The following TFB1M variants were observed in gnomAD, a reference collection of about 807,000 sequenced individuals.
TFB1M encodes transcription factor B1, mitochondrial, also known as dimethyladenosine transferase 1, mitochondrial.
In TFB1M, 27 loss-of-function variants were observed where a neutral mutation model predicts 31.1. That is an observed-to-expected ratio of 0.87 (90% CI 0.64 to 1.20). The LOEUF (loss-of-function observed/expected upper bound fraction) is 1.20. Among genes scored for constraint, TFB1M ranks in the 50% most tolerant of loss-of-function variants. The probability of loss-of-function intolerance (pLI) is 0.00; values close to 1 mark genes in which losing one functional copy is unlikely to be tolerated. For missense variants in TFB1M, 394 were observed against 418.7 expected (o/e 0.94, Z 0.51); for synonymous variants, 166 against 151.8 (o/e 1.09, Z -0.69).
At chr6:155,250,616 C>T in the TFB1M span, 55 of 1,535,858 alleles carry the variant, frequency 3.6e-5, no homozygotes, top group African/African-American at 4.8e-4. Context: ...GGAAGAACCA[C>T]GGACACTGGT....
At chr6:155,248,050 A>C in the TFB1M span, 2 of 1,614,210 alleles carry the variant, frequency 1.2e-6, no homozygotes, top group East Asian at 4.5e-5. Context: ...GAACCCCACC[A>C]AGCAGCATTC....
At chr6:155,244,941 G>A in the TFB1M span, 1 of 934,072 alleles carries the variant, frequency 1.1e-6, no homozygotes. Flanking sequence ...TCTGTCAGGT[G>A]GTAAAGGAAG....
chr6:155,251,141 TGGGGACTTAACA>T (rs1783632711), downstream of TFB1M: 1 of 834,338 alleles, frequency 1.2e-6, no homozygotes, highest in Admixed American at 2.0e-5. Flanking sequence ...CTATAATGGT[TGGGGACTTAACA>T]GGGCCAGCCC....
At chr6:155,271,927 G>A (rs560470505) in intron 5 of TFB1M, among the ~76,000 whole-genome samples, 1 of 151,978 alleles carries the variant, frequency 6.6e-6, no homozygotes, top group Non-Finnish European at 1.5e-5. Flanking sequence ...TCCCTTCCCC[G>A]CCTCTCCTTT....
At chr6:155,292,135 C>G (rs969080040) in intron 4 of TFB1M, among the ~76,000 whole-genome samples, 2 of 152,116 alleles carry the variant, frequency 1.3e-5, no homozygotes. Context: ...GCAGCAGAGG[C>G]AGGGGGCAGC....
chr6:155,277,818 A>T (rs1785290927), intron 5 of TFB1M, among the ~76,000 whole-genome samples: 2 of 152,194 alleles, frequency 1.3e-5, no homozygotes, highest in Non-Finnish European at 2.9e-5. Context: ...GCAAAGAATG[A>T]TTTCATGCAA....
intron 2 of TFB1M, among the ~76,000 whole-genome samples, chr6:155,307,720 T>C (rs1777845013): frequency 6.6e-6 from 1 of 152,130 alleles, no homozygotes; most frequent in South Asian, 2.1e-4. Flanking sequence ...TTGCAATCTT[T>C]TGGCTTCCCT....
intron 4 of TFB1M, among the ~76,000 whole-genome samples, 184 bp downstream of exon 4, chr6:155,296,769 C>A (rs1289516678): frequency 6.6e-6 from 1 of 151,484 alleles, no homozygotes; most frequent in Non-Finnish European, 1.5e-5. Flanking sequence ...TTCCCAGAAG[C>A]CCACAGCAGT....
intron 5 of TFB1M, among the ~76,000 whole-genome samples, chr6:155,278,496 CAGTG>C (rs1204046724): frequency 5.3e-5 from 8 of 152,230 alleles, no homozygotes; most frequent in Non-Finnish European, 8.8e-5. Flanking sequence ...TCTGCATTCT[CAGTG>C]ACATGTCATG....
Position 155,285,205 on chromosome 6 carries a change from G to A in TFB1M, c.619C>T (p.Arg207Ter), listed in dbSNP as rs769068618. Residue 207 changes from arginine (R) to a stop codon, truncating the protein, a stop_gained, in exon 5 of 7, where the codon CGA (arginine) becomes TGA (stop). Transcript: ENST00000367166. LOFTEE classifies it high-confidence loss of function. ...SVMAQYLCNV[R>*]HIFTIPGQAF... ...TGTCCTGGAATCGTAAAGATGTGTCGAACATTGCAGAGGTACTGAGCCATA... is the reference window on the plus strand; with the variant it reads ...TGTCCTGGAATCGTAAAGATGTGTCAAACATTGCAGAGGTACTGAGCCATA... 41 of 1,613,808 alleles carry A rather than the reference G, an allele frequency of 2.5e-5. No individual in the cohort carries two copies. Among genetic ancestry groups the A allele is most frequent in the Admixed American group, 1.0e-4 (6 of 59,996 alleles).
intron 5 of TFB1M, among the ~76,000 whole-genome samples, chr6:155,263,223 T>C (rs1430432135): frequency 6.6e-6 from 1 of 152,232 alleles, no homozygotes; most frequent in Non-Finnish European, 1.5e-5. Flanking sequence ...ACAAAAATGT[T>C]TTTTACTTAT....
chr6:155,260,573 A>G, intron 5 of TFB1M, 173 bp from the exon 6 acceptor site: 2 of 786,516 alleles, frequency 2.5e-6, no homozygotes, highest in Admixed American at 4.1e-5. Context: ...TACATTCTGG[A>G]TTCGCAAATG....
At chr6:155,304,871 T>C (rs369716832) in intron 2 of TFB1M, among the ~76,000 whole-genome samples, 14 of 151,606 alleles carry the variant, frequency 9.2e-5, no homozygotes, top group East Asian at 7.8e-4. Flanking sequence ...ACAATAGACC[T>C]ATAGATAAAT....
At chr6:155,244,535 T>C in the TFB1M span, 2 of 1,229,934 alleles carry the variant, frequency 1.6e-6, no homozygotes, top group Non-Finnish European at 2.3e-6. Flanking sequence ...TCTTAAAGGA[T>C]TTACTTTCTG....
At chr6:155,254,378 A>G, downstream of TFB1M, 1 of 1,601,254 alleles carries the variant, frequency 6.2e-7, no homozygotes, top group Middle Eastern at 1.7e-4. Flanking sequence ...CACGATGAAC[A>G]CTGTGGACAC....
In TFB1M at chr6:155,256,147, C is replaced by T; in HGVS notation, c.*1689G>A. 2.2e-6 allele frequency: 1 copy of T among 464,488 alleles called. No individual in the cohort carries two copies. The highest frequency in any genetic ancestry group is 3.8e-6 in the Non-Finnish European group (1 of 264,978). 28.8% of individuals were successfully genotyped at this position (464,488 alleles called of 1,614,324 possible). On this transcript the variant is annotated 3_prime_UTR_variant, in exon 7 of 7. Transcript: ENST00000367166. ...AAAGCACCTTAGTGAAAGAAAGGAG[C>T]CTAGATTTATTATTACCAATTAACT...
At chr6:155,243,673 C>G in the TFB1M span, among the ~76,000 whole-genome samples, 1 of 151,562 alleles carries the variant, frequency 6.6e-6, no homozygotes, top group African/African-American at 2.4e-5. Context: ...ATGGTGAAAC[C>G]CTGCCCCTAC....
intron 2 of TFB1M, among the ~76,000 whole-genome samples, chr6:155,306,493 T>C (rs927878656): frequency 2.6e-5 from 4 of 152,062 alleles, no homozygotes; most frequent in Admixed American, 6.5e-5. Context: ...AACAGGTGAA[T>C]AGATTCACAA....
At chr6:155,285,384 C>T (rs1776581904) in intron 4 of TFB1M, 107 bp from the exon 5 acceptor site, 3 of 1,392,070 alleles carry the variant, frequency 2.2e-6, no homozygotes, top group Non-Finnish European at 3.0e-6. Flanking sequence ...CTTTTTGAGG[C>T]AAATTTGAAA....
Sources: allele counts gnomAD v4.1 joint callset (sites outside exome capture counted in the v4.1 genomes callset), GRCh38; gene constraint gnomAD v4.1.1; transcripts MANE v1.5; gene names NCBI Gene and HGNC (gene_info 2026-07-23, HGNC 2026-07-21).